Variants in PCDHGA3 observed in about 807,000 individuals in gnomAD.
The protein encoded by PCDHGA3 is protocadherin gamma subfamily A, 3, also known as protocadherin gamma-A3.
Under a neutral mutation model 58.5 loss-of-function variants are expected in PCDHGA3, and 40 were observed. The ratio of observed to expected loss-of-function variants is 0.68; its 90% CI spans 0.53 to 0.89. PCDHGA3 has a LOEUF of 0.89. PCDHGA3 is among the 40% of genes least tolerant of loss of function. PCDHGA3 has a pLI of 0.00. For synonymous variants in PCDHGA3, 530 were observed against 525.7 expected (o/e 1.01, Z -0.11); for missense variants, 1,223 against 1,195.9 (o/e 1.02, Z -0.33).
intron 1 of PCDHGA3, chr5:141,355,805 G>A (rs571571659): frequency 6.2e-7 from 1 of 1,613,322 alleles, no homozygotes; most frequent in Non-Finnish European, 8.5e-7. Flanking sequence ...GCTCTAGATC[G>A]CGAGGAAGAG....
chr5:141,431,003 G>T lies in PCDHGA3; in HGVS notation c.2425-63804G>T, dbSNP rs2097334899. ...GCTTTTCGCCCTGAATCCGCGCAGC[G>T]GCAGCTTGGTCACGGCGGGCAGGAT... On this transcript the variant is annotated intron_variant, in intron 1 of 3. Coordinates refer to ENST00000253812, the MANE Select transcript of PCDHGA3 (RefSeq NM_018916.4). This position sits in a 1 kb window ranked among gnomAD's most constrained non-coding sequence, Gnocchi z 4.8. 1.9e-6 allele frequency: 3 copies of T among 1,613,960 alleles called. No homozygotes were observed. The highest frequency in any genetic ancestry group is 2.5e-6 in the Non-Finnish European group (3 of 1,179,982).
chr5:141,422,151 G>A (rs763343536), intron 1 of PCDHGA3: 1 of 1,575,938 alleles, frequency 6.3e-7, no homozygotes, highest in Admixed American at 2.0e-5. Flanking sequence ...GGGGGTCTCT[G>A]GATTTTGAAA....
intron 1 of PCDHGA3, among the ~76,000 whole-genome samples, chr5:141,480,874 G>A (rs1487409799): frequency 2.6e-5 from 4 of 151,950 alleles, no homozygotes; most frequent in African/African-American, 7.3e-5. Context: ...GTGAAACCCC[G>A]TCTCTACTAA....
rs1476740920 is a variant in PCDHGA3, at chr5:141,443,326, A to AC, written c.2425-51481_2425-51480insC. Among the ~76,000 whole-genome samples the AC allele has an allele frequency of 3.3e-5, 5 of 151,792 alleles. No homozygotes were observed. The South Asian group carries it at 8.3e-4, about 25-fold the overall frequency. ...CAAAAACCCATCTCTACAAAAAAAA[A>AC]AAACAAAAATTAACAAGGTTTAGTG... On this transcript the variant is annotated intron_variant, in intron 1 of 3. Transcript: ENST00000253812.
chr5:141,381,826 C>CTTTTTTTTTTTT (rs770630741), intron 1 of PCDHGA3, among the ~76,000 whole-genome samples: 14 of 74,282 alleles, frequency 1.9e-4, no homozygotes, highest in Admixed American at 5.8e-4. Context: ...CTTTCTTCTT[C>CTTTTTTTTTTTT]TTTTTTTTTT....
chr5:141,351,236 C>G, intron 1 of PCDHGA3: 2 of 1,613,964 alleles, frequency 1.2e-6, no homozygotes, highest in Middle Eastern at 1.6e-4. Context: ...ACACACAGCT[C>G]ACTGTAATGT....
rs776632782 is a variant in PCDHGA3, at chr5:141,415,681, A to G, written c.2424+69224A>G. 6.3e-5 allele frequency: 95 copies of G among 1,518,728 alleles called. 2 individuals are homozygous for G. In the Middle Eastern group the frequency reaches 2.1e-3, roughly 34 times the overall value. 94.1% of individuals were successfully genotyped at this position (1,518,728 alleles called of 1,614,324 possible). A position where few individuals can be genotyped will look rare whatever the true frequency, so the allele number is the denominator to read the frequency against. Reference sequence around the variant, plus strand: ...TGGTTTTTACTTTGAAGTTTGCGGCATGATGGTGGAAAGTGTAAATGCTAA... The same window carrying G: ...TGGTTTTTACTTTGAAGTTTGCGGCGTGATGGTGGAAAGTGTAAATGCTAA... On this transcript the variant is annotated intron_variant, in intron 1 of 3. Transcript: ENST00000253812.
Position 141,476,790 on chromosome 5 carries a change from C to T in PCDHGA3, c.2425-18017C>T. ...TTGGACGGAGGGACCCCAGCTCTCT[C>T]CGCCAGCCTGCCTATTCACATCAAG... On this transcript the variant is annotated intron_variant, in intron 1 of 3. Coordinates refer to ENST00000253812, the MANE Select transcript of PCDHGA3 (RefSeq NM_018916.4). This position sits in a 1 kb window ranked among gnomAD's most constrained non-coding sequence, Gnocchi z 7.6. 1 of 1,613,606 alleles carries T rather than the reference C, an allele frequency of 6.2e-7. No homozygotes were observed. Among genetic ancestry groups the T allele is most frequent in the South Asian group, 1.1e-5 (1 of 91,084 alleles).
Position 141,493,701 on chromosome 5 carries a change from C to G in PCDHGA3, c.2425-1106C>G, listed in dbSNP as rs2099749680. 6.6e-6 allele frequency among the ~76,000 whole-genome samples: 1 copy of G among 152,172 alleles called. No homozygotes were observed. Among genetic ancestry groups the G allele is most frequent in the Admixed American group, 6.5e-5 (1 of 15,286 alleles). On this transcript the variant is annotated intron_variant, in intron 1 of 3. Coordinates refer to ENST00000253812, the MANE Select transcript of PCDHGA3 (RefSeq NM_018916.4). This position sits in a 1 kb window ranked among gnomAD's most constrained non-coding sequence, Gnocchi z 4.3. Reference sequence around the variant, plus strand: ...ATGGTGCTGGTGACTCCCGATACACCTGGAATGCTAGGTTTCTGGGTTCTG... The same window carrying G: ...ATGGTGCTGGTGACTCCCGATACACGTGGAATGCTAGGTTTCTGGGTTCTG...
At chr5:141,400,112 A>G in intron 1 of PCDHGA3, 1 of 1,614,034 alleles carries the variant, frequency 6.2e-7, no homozygotes. Context: ...GTCTTTGCTG[A>G]CAGCTTGCAG....
intron 1 of PCDHGA3, chr5:141,371,152 A>G (rs1767538477): frequency 9.3e-6 from 15 of 1,614,060 alleles, no homozygotes; most frequent in Non-Finnish European, 1.2e-5. Context: ...AATGTTGCAG[A>G]GAACCTGCCC....
rs765754054 is a variant in PCDHGA3 at position 141,503,598 on chromosome 5, CA to C, written c.2484-1779del. Among the ~76,000 whole-genome samples, 277 of 65,728 alleles carry C rather than the reference CA, an allele frequency of 4.2e-3. 2 individuals are homozygous for C. The highest frequency in any genetic ancestry group is 0.012 in the Middle Eastern group (1 of 86). The allele number at this position is 65,728 out of a possible 152,430, so 43.1% of individuals were successfully genotyped here. A position where few individuals can be genotyped will look rare whatever the true frequency, so the allele number is the denominator to read the frequency against. ...TGGGTGACAGAGCGAGACTCCAGCT[CA>C]AAAAAAAAAAAAAAAGAAAAAAGAA... On this transcript the variant is annotated intron_variant, in intron 2 of 3. Coordinates refer to ENST00000253812, the MANE Select transcript of PCDHGA3 (RefSeq NM_018916.4).
chr5:141,376,127 G>A (rs1331529697), intron 1 of PCDHGA3: 4 of 1,613,828 alleles, frequency 2.5e-6, no homozygotes, highest in East Asian at 2.2e-5. Flanking sequence ...CGAGCCCTCC[G>A]CCAAACCCAA....
rs773688197 is a variant in PCDHGA3 at position 141,432,412 on chromosome 5, C to A, written c.2425-62395C>A. 2.5e-6 allele frequency: 4 copies of A among 1,614,128 alleles called. No homozygotes were observed. The Admixed American group carries it at 6.7e-5, about 27-fold the overall frequency. On this transcript the variant is annotated intron_variant, in intron 1 of 3. Transcript: ENST00000253812. The surrounding 1 kb of genome is among the most constrained non-coding windows in gnomAD (Gnocchi z 6.0). ...GCAGCAACGTGTCGTTGAGCCTGTT[C>A]GTGCTGGACCAGAACGACAATGCGC...
chr5:141,475,550 TA>T (rs2099365126), intron 1 of PCDHGA3, among the ~76,000 whole-genome samples: 2 of 152,246 alleles, frequency 1.3e-5, no homozygotes, highest in Non-Finnish European at 2.9e-5. Context: ...AGGGTCCGGC[TA>T]ATTGTCTGTC....
intron 1 of PCDHGA3, chr5:141,409,609 C>T: frequency 1.2e-6 from 2 of 1,613,938 alleles, no homozygotes; most frequent in Non-Finnish European, 1.7e-6. Flanking sequence ...CGCCAGGAGC[C>T]TCCATTGCGC....
At position 141,432,252 on chromosome 5, in the gene PCDHGA3, G is replaced by A. The variant is rs749107567; in HGVS notation, c.2425-62555G>A. 3.7e-6 allele frequency: 6 copies of A among 1,614,220 alleles called. No homozygotes were observed. The highest frequency in any genetic ancestry group is 5.1e-6 in the Non-Finnish European group (6 of 1,180,042). ...TCCCTGGCTGAGAACACCATCCAAG[G>A]GGCAAGCCTATCGTCCTACGTGTCC... On this transcript the variant is annotated intron_variant, in intron 1 of 3. Coordinates refer to ENST00000253812, the MANE Select transcript of PCDHGA3 (RefSeq NM_018916.4). The surrounding 1 kb of genome is among the most constrained non-coding windows in gnomAD (Gnocchi z 6.0).
Position 141,403,122 on chromosome 5 carries a change from G to A in PCDHGA3, c.2424+56665G>A, listed in dbSNP as rs550510039. 4.3e-5 allele frequency: 69 copies of A among 1,613,932 alleles called. No individual in the cohort carries two copies. Among genetic ancestry groups the A allele is most frequent in the East Asian group, 8.9e-5 (4 of 44,898 alleles). ...TCCAAGGACCTGGCTCTGGAGCCCC[G>A]GGAGCTGGCGGAGCGCCGAGTCCGC... On this transcript the variant is annotated intron_variant, in intron 1 of 3. Transcript: ENST00000253812.
At chr5:141,419,674 C>T (rs372932653) in intron 1 of PCDHGA3, 48 of 1,612,820 alleles carry the variant, frequency 3.0e-5, no homozygotes, top group Non-Finnish European at 3.7e-5. Context: ...CCTGGCTGTC[C>T]TACCACGTGG....
Sources: allele counts gnomAD v4.1 joint callset (sites outside exome capture counted in the v4.1 genomes callset), GRCh38; gene constraint gnomAD v4.1.1; non-coding constraint Gnocchi (gnomAD v3.1); transcripts MANE v1.5; gene names NCBI Gene and HGNC (gene_info 2026-07-23, HGNC 2026-07-21).